Variants in NRXN3 observed in about 807,000 individuals in gnomAD.
NRXN3 encodes the protein neurexin 3.
Under a neutral mutation model 137.6 loss-of-function variants are expected in NRXN3, and 32 were observed. The ratio of observed to expected loss-of-function variants is 0.23; its 90% CI spans 0.18 to 0.31. NRXN3 has a LOEUF of 0.31. Among genes scored for constraint, NRXN3 ranks in the 10% least tolerant of loss-of-function variants. NRXN3 has a pLI of 1.00. For missense variants in NRXN3, 1,574 were observed against 2,062.5 expected (o/e 0.76, Z 4.59); for synonymous variants, 798 against 784.5 (o/e 1.02, Z -0.29).
intron 15 of NRXN3, among the ~76,000 whole-genome samples, chr14:79,007,135 T>G (rs1418180495): frequency 1.3e-5 from 2 of 152,230 alleles, no homozygotes; most frequent in Non-Finnish European, 2.9e-5. Context: ...TGTGTAAACT[T>G]ACAGAATTTG....
At chr14:78,312,995 C>T (rs960982219) in intron 4 of NRXN3, among the ~76,000 whole-genome samples, 4 of 152,096 alleles carry the variant, frequency 2.6e-5, no homozygotes, top group African/African-American at 7.2e-5. Context: ...TTATCCTGTG[C>T]GCTGCATCTC....
At chr14:78,888,261 C>G (rs1426392053) in intron 10 of NRXN3, among the ~76,000 whole-genome samples, 1 of 151,964 alleles carries the variant, frequency 6.6e-6, no homozygotes, top group African/African-American at 2.4e-5. Flanking sequence ...TCCATGTCCC[C>G]TAAAGGAGGT....
intron 15 of NRXN3, among the ~76,000 whole-genome samples, chr14:79,155,438 T>G (rs1041313850): frequency 6.6e-6 from 1 of 151,922 alleles, no homozygotes; most frequent in Non-Finnish European, 1.5e-5. Flanking sequence ...CTGTGACATA[T>G]GAATACCACC....
intron 8 of NRXN3, chr14:78,745,434 T>C (rs2098602671): frequency 6.6e-6 from 1 of 152,266 alleles, no homozygotes; most frequent in African/African-American, 2.4e-5. Flanking sequence ...TTTCTTTACA[T>C]ACATTAATGC....
chr14:78,946,631 C>A (rs982814608), intron 10 of NRXN3, among the ~76,000 whole-genome samples: 4 of 152,116 alleles, frequency 2.6e-5, no homozygotes, highest in African/African-American at 7.2e-5. Context: ...GAACAGTTTT[C>A]TTCTGCTTGA....
intron 15 of NRXN3, among the ~76,000 whole-genome samples, chr14:79,130,772 G>A (rs1240700775): frequency 1.3e-5 from 2 of 152,106 alleles, no homozygotes; most frequent in African/African-American, 2.4e-5. Context: ...CCTGCAGAGT[G>A]TTTTCCAACT....
chr14:78,318,079 A>T (rs1242443706), intron 4 of NRXN3, among the ~76,000 whole-genome samples: 1 of 152,150 alleles, frequency 6.6e-6, no homozygotes, highest in East Asian at 1.9e-4. Context: ...GGACTTGGGA[A>T]ATTTGGGGGT....
At chr14:79,663,646 T>G in intron 16 of NRXN3, 132 bp from the exon 17 acceptor site, 1 of 723,264 alleles carries the variant, frequency 1.4e-6, no homozygotes, top group Non-Finnish European at 2.3e-6. Flanking sequence ...TAGAATGCTA[T>G]TATTATCTTA....
At chr14:79,842,589 C>G (rs560837077) in intron 20 of NRXN3, among the ~76,000 whole-genome samples, 1 of 152,160 alleles carries the variant, frequency 6.6e-6, no homozygotes, top group South Asian at 2.1e-4. Context: ...GTGACTTGAT[C>G]TGATTTTTAT....
At chr14:79,032,516 ACCTGAG>A (rs1468509338) in intron 15 of NRXN3, among the ~76,000 whole-genome samples, 1 of 152,150 alleles carries the variant, frequency 6.6e-6, no homozygotes, top group African/African-American at 2.4e-5. Flanking sequence ...GCATACTCTC[ACCTGAG>A]CCTTAGAGAG....
chr14:78,709,116 G>A (rs1273808263), intron 6 of NRXN3, 101 bp from the exon 7 acceptor site: 1 of 1,083,616 alleles, frequency 9.2e-7, no homozygotes, highest in Non-Finnish European at 1.3e-6. Flanking sequence ...GCTATGTCCT[G>A]AAGCCTCTTT....
At chr14:79,417,514 T>G (rs1791712185) in intron 15 of NRXN3, among the ~76,000 whole-genome samples, 1 of 152,184 alleles carries the variant, frequency 6.6e-6, no homozygotes, top group Admixed American at 6.5e-5. Flanking sequence ...GAACTGCTGC[T>G]GCTGCTACCA....
rs897694268 is a variant in NRXN3, at chr14:79,862,027, T to G, written c.*63T>G. On this transcript the variant is annotated 3_prime_UTR_variant, in exon 21 of 21. Coordinates refer to ENST00000335750, the MANE Select transcript of NRXN3 (RefSeq NM_001330195.2). ...ATTTCTATCCACGCCTATGAATCTT[T>G]GGACGGTGAGATCTCACAGATGTCA... 4 of 1,328,868 alleles carry G rather than the reference T, an allele frequency of 3.0e-6. No homozygotes were observed. Among genetic ancestry groups the G allele is most frequent in the Admixed American group, 2.1e-5 (1 of 46,664 alleles). The allele number at this position is 1,328,868 out of a possible 1,614,324, so 82.3% of individuals were successfully genotyped here.
intron 4 of NRXN3, among the ~76,000 whole-genome samples, chr14:78,530,189 C>A (rs2096440436): frequency 6.6e-6 from 1 of 152,174 alleles, no homozygotes; most frequent in African/African-American, 2.4e-5. Context: ...CCTCCAGACA[C>A]CAGGGCTGTG....
At chr14:78,363,061 C>T (rs1363034518) in intron 4 of NRXN3, among the ~76,000 whole-genome samples, 1 of 152,182 alleles carries the variant, frequency 6.6e-6, no homozygotes, top group Non-Finnish European at 1.5e-5. Context: ...TCCTCTTTGC[C>T]CTTCACCCAC....
At chr14:78,410,043 A>G (rs2092729693) in intron 4 of NRXN3, among the ~76,000 whole-genome samples, 1 of 152,134 alleles carries the variant, frequency 6.6e-6, no homozygotes, top group African/African-American at 2.4e-5. Context: ...TACTTTACTT[A>G]GCTTCTGTCT....
intron 16 of NRXN3, among the ~76,000 whole-genome samples, chr14:79,655,525 A>C (rs1051926235): frequency 6.6e-6 from 1 of 152,150 alleles, no homozygotes; most frequent in Admixed American, 6.5e-5. Flanking sequence ...ACAGAAAAGT[A>C]CTGTCTGGAG....
chr14:79,396,431 C>T lies in NRXN3; in HGVS notation c.3263-70790C>T, dbSNP rs143780957. Among the ~76,000 whole-genome samples the T allele has an allele frequency of 7.4e-3, 1,132 of 152,242 alleles. 15 individuals are homozygous for T. The highest frequency in any genetic ancestry group is 0.026 in the African/African-American group (1,071 of 41,556). ...CACCCTTGTTTGATTATGAGAACCA[C>T]TTGCAGAGCTTTTTAAAAACCTGAG... On this transcript the variant is annotated intron_variant, in intron 15 of 20. Transcript: ENST00000335750.
chr14:78,594,167 G>A (rs370083930), intron 4 of NRXN3, among the ~76,000 whole-genome samples: 3 of 152,346 alleles, frequency 2.0e-5, no homozygotes, highest in East Asian at 3.9e-4. Context: ...GGCTGGCAGT[G>A]AGGTAATGCA....
Sources: gnomAD v4.1 joint callset for allele counts (sites outside exome capture counted in the v4.1 genomes callset) on GRCh38, gnomAD v4.1.1 for gene constraint, MANE v1.5 for transcripts, NCBI Gene and HGNC (gene_info 2026-07-23, HGNC 2026-07-21) for gene names.